ZNF503: variants seen among roughly 807,000 people sequenced by gnomAD.
ZNF503 encodes the protein NocA-like zinc finger 2.
ZNF503 carries 15 observed loss-of-function variants against 34.4 expected under a neutral mutation model. That is an observed-to-expected ratio of 0.44 (90% confidence interval 0.29 to 0.67). The LOEUF is 0.67. ZNF503 is among the 30% of genes least tolerant of loss of function. ZNF503 has a pLI of 0.13. For synonymous variants in ZNF503, 580 were observed against 456.8 expected (o/e 1.27, Z -3.44); for missense variants, 1,007 against 926.8 (o/e 1.09, Z -1.12).
chr10:75,342,669 G>C, the ZNF503 span, among the ~76,000 whole-genome samples: 3 of 148,104 alleles, frequency 2.0e-5, no homozygotes, highest in Non-Finnish European at 4.5e-5. Flanking sequence ...GTGGTGGGGC[G>C]GGGGGAGGGG....
the ZNF503 span, among the ~76,000 whole-genome samples, chr10:75,317,404 A>C: frequency 6.7e-6 from 1 of 149,442 alleles, no homozygotes; most frequent in African/African-American, 2.5e-5. Flanking sequence ...CAGCCTCCCA[A>C]GTAGCTGGGA....
chr10:75,359,501 T>A, the ZNF503 span, among the ~76,000 whole-genome samples: 1 of 151,462 alleles, frequency 6.6e-6, no homozygotes, highest in African/African-American at 2.4e-5. Context: ...GAAGCCAGAG[T>A]TTTAGAAGCA....
At chr10:75,392,141 G>A in the ZNF503 span, among the ~76,000 whole-genome samples, 1 of 152,302 alleles carries the variant, frequency 6.6e-6, no homozygotes, top group Non-Finnish European at 1.5e-5. Flanking sequence ...CCTGTAAAAT[G>A]GGGACAGTAA....
the ZNF503 span, chr10:75,288,383 TG>T: frequency 6.6e-6 from 1 of 152,402 alleles, no homozygotes; most frequent in African/African-American, 2.4e-5. Context: ...TCTGTGCAGT[TG>T]GGCTACATGT....
the ZNF503 span, among the ~76,000 whole-genome samples, chr10:75,314,288 A>T: frequency 4.0e-5 from 6 of 151,666 alleles, no homozygotes. Flanking sequence ...GAGAACACAG[A>T]CAACTCAATG....
At chr10:75,310,926 T>TA in the ZNF503 span, among the ~76,000 whole-genome samples, 2 of 152,136 alleles carry the variant, frequency 1.3e-5, no homozygotes, top group Non-Finnish European at 2.9e-5. Flanking sequence ...CAGGTTTTAA[T>TA]AAAAAAACTA....
downstream of ZNF503, among the ~76,000 whole-genome samples, chr10:75,395,581 T>C (rs1843687711): frequency 6.6e-6 from 1 of 151,266 alleles, no homozygotes; most frequent in African/African-American, 2.4e-5. This position sits in a 1 kb window ranked among gnomAD's most constrained non-coding sequence, Gnocchi z 4.4. Flanking sequence ...CTGGAGAGAG[T>C]CGGGGGGCGC....
downstream of ZNF503, among the ~76,000 whole-genome samples, chr10:75,396,211 C>G (rs1436846146): frequency 6.6e-6 from 1 of 152,160 alleles, no homozygotes; most frequent in Non-Finnish European, 1.5e-5. This position sits in a 1 kb window ranked among gnomAD's most constrained non-coding sequence, Gnocchi z 4.4. Context: ...CTCAAGGAAC[C>G]AGGCCCAGCT....
the ZNF503 span, among the ~76,000 whole-genome samples, chr10:75,375,846 C>T: frequency 1.3e-5 from 2 of 152,152 alleles, no homozygotes; most frequent in Non-Finnish European, 2.9e-5. Context: ...GTAAAGGATC[C>T]ACAGAGTATG....
At chr10:75,391,902 C>T in the ZNF503 span, among the ~76,000 whole-genome samples, 1 of 152,312 alleles carries the variant, frequency 6.6e-6, no homozygotes. Context: ...TCCCCAGTAA[C>T]CCAGAATCCA....
chr10:75,289,248 G>T, the ZNF503 span, among the ~76,000 whole-genome samples: 1 of 152,116 alleles, frequency 6.6e-6, no homozygotes, highest in Admixed American at 6.5e-5. Context: ...TGGGGGAGAG[G>T]AAGGGCCAGG....
the ZNF503 span, among the ~76,000 whole-genome samples, chr10:75,362,308 C>T: frequency 1.3e-5 from 2 of 152,032 alleles, no homozygotes; most frequent in African/African-American, 4.8e-5. Context: ...TTAATTAAGC[C>T]TCAGAATGTT....
the ZNF503 span, among the ~76,000 whole-genome samples, chr10:75,296,095 A>G: frequency 0.25 from 37,749 of 152,196 alleles, 5,670 homozygotes; most frequent in African/African-American, 0.42. Flanking sequence ...GCCCCGTGGT[A>G]ATAAATTGGG....
chr10:75,282,204 C>T, the ZNF503 span, among the ~76,000 whole-genome samples: 28 of 152,294 alleles, frequency 1.8e-4, no homozygotes, highest in Middle Eastern at 3.4e-3. Flanking sequence ...CCTTGGCCAA[C>T]GACTGGTGTA....
At chr10:75,382,012 G>C in the ZNF503 span, among the ~76,000 whole-genome samples, 1 of 151,766 alleles carries the variant, frequency 6.6e-6, no homozygotes, top group East Asian at 1.9e-4. Context: ...GTTTTACCAT[G>C]TTGGCCAGGC....
the ZNF503 span, among the ~76,000 whole-genome samples, chr10:75,362,675 CT>C: frequency 6.6e-6 from 1 of 152,138 alleles, no homozygotes; most frequent in Admixed American, 6.5e-5. Context: ...TTAATAATGA[CT>C]GGGTATGAGG....
At chr10:75,381,155 C>G in the ZNF503 span, among the ~76,000 whole-genome samples, 1 of 152,238 alleles carries the variant, frequency 6.6e-6, no homozygotes, top group African/African-American at 2.4e-5. Context: ...CGAATTCTGG[C>G]CAATAAGATG....
At chr10:75,329,863 C>T in the ZNF503 span, among the ~76,000 whole-genome samples, 408 of 152,262 alleles carry the variant, frequency 2.7e-3, 2 homozygotes, top group African/African-American at 9.0e-3. Context: ...ATATTTTTTA[C>T]CTTGCTTAAT....
chr10:75,401,636 G>A lies in ZNF503; in HGVS notation c.-217C>T. 2 of 574,616 alleles carry A rather than the reference G, an allele frequency of 3.5e-6. No homozygotes were observed. Among genetic ancestry groups the A allele is most frequent in the Non-Finnish European group, 5.9e-6 (2 of 338,712 alleles). 35.6% of individuals were successfully genotyped at this position (574,616 alleles called of 1,614,324 possible). ...AGCCGTGGCCGGGCTAGAGGAGCCG[G>A]CTGGACTGCGGGAGTGCCGGGCGGC... On this transcript the variant is annotated 5_prime_UTR_variant, in exon 1 of 2. Coordinates refer to ENST00000372524, the MANE Select transcript of ZNF503 (RefSeq NM_032772.6).
Sources: allele counts gnomAD v4.1 joint callset (sites outside exome capture counted in the v4.1 genomes callset), GRCh38; gene constraint gnomAD v4.1.1; non-coding constraint Gnocchi (gnomAD v3.1); transcripts MANE v1.5; gene names NCBI Gene and HGNC (gene_info 2026-07-23, HGNC 2026-07-21).